The following PCDHA2 variants were observed in gnomAD, a reference collection of about 807,000 sequenced individuals.
The protein encoded by PCDHA2 is protocadherin alpha-2.
PCDHA2 carries 58 observed loss-of-function variants against 66.0 expected under a neutral mutation model. That is an observed-to-expected ratio of 0.88 (90% CI 0.71 to 1.09). The LOEUF (loss-of-function observed/expected upper bound fraction) is 1.09, where lower values mean the gene tolerates loss of function less well. Ranked by LOEUF, PCDHA2 falls within the 50% of genes least tolerant of loss-of-function variation. The pLI is 0.00. For synonymous variants in PCDHA2, 634 were observed against 554.0 expected (o/e 1.14, Z -2.03); for missense variants, 1,267 against 1,242.3 (o/e 1.02, Z -0.30).
chr5:140,840,493 T>C (rs2150307373), intron 1 of PCDHA2, among the ~76,000 whole-genome samples: 1 of 152,054 alleles, frequency 6.6e-6, no homozygotes, highest in Non-Finnish European at 1.5e-5. Context: ...ATAATTCTGG[T>C]AAATACTCAC....
chr5:140,928,732 A>G, intron 1 of PCDHA2: 1 of 1,614,114 alleles, frequency 6.2e-7, no homozygotes, highest in South Asian at 1.1e-5. Context: ...AATTTCAGCC[A>G]ATATAGGTGA....
intron 1 of PCDHA2, chr5:140,883,872 T>A (rs1554180376): frequency 1.2e-6 from 2 of 1,612,996 alleles, no homozygotes; most frequent in African/African-American, 1.3e-5. Flanking sequence ...CAGTTCCAGG[T>A]GAGCGCGCGC....
intron 1 of PCDHA2, among the ~76,000 whole-genome samples, chr5:140,962,103 T>C (rs1401131367): frequency 1.3e-5 from 2 of 152,020 alleles, no homozygotes; most frequent in African/African-American, 4.8e-5. Flanking sequence ...GCCAGGATGG[T>C]CTCGATCTCC....
intron 1 of PCDHA2, among the ~76,000 whole-genome samples, chr5:140,900,662 G>C (rs2068213556): frequency 6.6e-6 from 1 of 152,190 alleles, no homozygotes; most frequent in South Asian, 2.1e-4. Flanking sequence ...ATGAACAATG[G>C]GAGTGCAGTT....
intron 1 of PCDHA2, chr5:140,803,390 C>T (rs369650998): frequency 1.2e-6 from 2 of 1,614,130 alleles, no homozygotes; most frequent in Admixed American, 1.7e-5. Flanking sequence ...CCGAAGGCGA[C>T]TGTGGGCCGG....
chr5:140,923,951 G>A (rs763582377), intron 1 of PCDHA2, among the ~76,000 whole-genome samples: 4 of 151,984 alleles, frequency 2.6e-5, no homozygotes, highest in Non-Finnish European at 2.9e-5. Context: ...TTTTCCTCAC[G>A]CCCTAATCTA....
At chr5:140,804,777 A>C (rs1763458869) in intron 1 of PCDHA2, 1 of 258,046 alleles carries the variant, frequency 3.9e-6, no homozygotes, top group African/African-American at 2.2e-5. Context: ...ACTCCCATTT[A>C]AGTTTCCCTA....
At chr5:140,864,300 T>C (rs889692315) in intron 1 of PCDHA2, 9 of 152,214 alleles carry the variant, frequency 5.9e-5, no homozygotes, top group Non-Finnish European at 1.2e-4. Flanking sequence ...TATTCAAAAA[T>C]ACCATGACAA....
At chr5:140,941,202 C>CTTTCTTT (rs1554213921) in intron 1 of PCDHA2, among the ~76,000 whole-genome samples, 7,232 of 122,704 alleles carry the variant, frequency 0.059, 419 homozygotes, top group East Asian at 0.13. Flanking sequence ...TTTCTTTCTT[C>CTTTCTTT]CTTTCTTTCT....
At chr5:140,847,308 C>T (rs1295740719) in intron 1 of PCDHA2, among the ~76,000 whole-genome samples, 2 of 149,754 alleles carry the variant, frequency 1.3e-5, no homozygotes, top group Admixed American at 6.7e-5. Context: ...CTGCAGTAAT[C>T]AAGGACAGAA....
intron 1 of PCDHA2, among the ~76,000 whole-genome samples, chr5:140,924,904 AAT>A (rs1277700524): frequency 5.2e-4 from 28 of 54,160 alleles, no homozygotes; most frequent in African/African-American, 2.1e-3. Context: ...CAAAAAAAAA[AAT>A]AAAATAAAAT....
At chr5:140,904,187 C>T (rs1554191348) in intron 1 of PCDHA2, among the ~76,000 whole-genome samples, 1 of 151,982 alleles carries the variant, frequency 6.6e-6, no homozygotes, top group Non-Finnish European at 1.5e-5. Context: ...ACCCCCTTCC[C>T]ACCCTTTCCC....
intron 1 of PCDHA2, chr5:140,822,714 C>T (rs1554128827): frequency 1.2e-6 from 2 of 1,610,828 alleles, no homozygotes; most frequent in Non-Finnish European, 1.7e-6. Context: ...AAGACTATAA[C>T]TCATATGAAA....
Position 140,828,920 on chromosome 5 carries a change from A to G in PCDHA2, c.2388+31568A>G, listed in dbSNP as rs2150160817. 8.3e-5 allele frequency: 134 copies of G among 1,614,098 alleles called. No homozygotes were observed. Among genetic ancestry groups the G allele is most frequent in the Non-Finnish European group, 1.1e-4 (127 of 1,180,054 alleles). ...TCGGGATGAAGGAGCGAATGGGGCA[A>G]TTTCATATTCTTTTAATAGCCTTGT... On this transcript the variant is annotated intron_variant, in intron 1 of 3. Transcript: ENST00000526136.
rs894945353 is a variant in PCDHA2 at position 140,936,140 on chromosome 5, G to A, written c.2389-42809G>A. ...ACTCCTGACCTTAAGTGATCTGCCC[G>A]CCTTGGCCTCCTAAAGTGCTGGGAT... is the stretch of plus-strand genomic sequence containing the variant. On this transcript the variant is annotated intron_variant, in intron 1 of 3. Coordinates refer to ENST00000526136, the MANE Select transcript of PCDHA2 (RefSeq NM_018905.3). 7.2e-5 allele frequency among the ~76,000 whole-genome samples: 11 copies of A among 152,050 alleles called. 1 individual carries two copies. The highest frequency in any genetic ancestry group is 6.6e-4 in the Admixed American group (10 of 15,256).
intron 1 of PCDHA2, chr5:140,804,594 C>T (rs1310152984): frequency 1.3e-5 from 2 of 152,256 alleles, no homozygotes; most frequent in African/African-American, 4.8e-5. Flanking sequence ...TTTGATAAGC[C>T]AATGTTATAA....
chr5:140,807,154 A>G, intron 1 of PCDHA2: 2 of 1,585,792 alleles, frequency 1.3e-6, no homozygotes, highest in Non-Finnish European at 1.7e-6. Context: ...TTGAGAAACG[A>G]TATTTAATCA....
chr5:140,883,731 C>A, intron 1 of PCDHA2: 1 of 1,613,446 alleles, frequency 6.2e-7, no homozygotes, highest in Non-Finnish European at 8.5e-7. Flanking sequence ...CAGGAGAACG[C>A]GCTGGTCTCC....
chr5:140,852,099 AT>A, intron 1 of PCDHA2: 1 of 909,604 alleles, frequency 1.1e-6, no homozygotes, highest in Non-Finnish European at 1.3e-6. Flanking sequence ...TGTGTCAGAT[AT>A]TTTACAAGGT....
Sources: allele counts gnomAD v4.1 joint callset (sites outside exome capture counted in the v4.1 genomes callset), GRCh38; gene constraint gnomAD v4.1.1; transcripts MANE v1.5; gene names NCBI Gene and HGNC (gene_info 2026-07-23, HGNC 2026-07-21).